Variants in RPS6KA1 observed in about 807,000 individuals in gnomAD.
RPS6KA1 encodes the protein ribosomal protein S6 kinase A1, also known as ribosomal protein S6 kinase alpha-1.
In RPS6KA1, 48 loss-of-function variants were observed where a neutral mutation model predicts 91.3. That is an observed-to-expected ratio of 0.53 (90% CI 0.42 to 0.67). The LOEUF (loss-of-function observed/expected upper bound fraction) is 0.67, where lower values mean the gene tolerates loss of function less well. Ranked by LOEUF, RPS6KA1 falls within the 30% of genes least tolerant of loss-of-function variation. The pLI, the probability that RPS6KA1 is intolerant of heterozygous loss-of-function variation, is 0.00. For missense variants in RPS6KA1, 719 were observed against 960.5 expected, an observed-to-expected ratio of 0.75 and a Z score of 3.32; for synonymous variants, 359 against 384.7, an observed-to-expected ratio of 0.93 and a Z score of 0.78.
At position 26,539,880 on chromosome 1, in the gene RPS6KA1, G is replaced by A. The variant is rs185565055; in HGVS notation, c.108+2911G>A. On this transcript the variant is annotated intron_variant, in intron 2 of 21. Coordinates refer to ENST00000374168, the MANE Select transcript of RPS6KA1 (RefSeq NM_002953.4). ...CTCCGGAGCTGGACCCCTTTGAAGC[G>A]CCTGCAGGTCTATTTTGAGAGCTGA... 1.6e-4 allele frequency among the ~76,000 whole-genome samples: 25 copies of A among 152,276 alleles called. No individual in the cohort carries two copies. The East Asian group carries it at 3.1e-3, about 19-fold the overall frequency.
In RPS6KA1 at chr1:26,540,799, T is replaced by A. The variant is rs1570423908; in HGVS notation, c.108+3830T>A. Among the ~76,000 whole-genome samples, 2 of 151,796 alleles carry A rather than the reference T, an allele frequency of 1.3e-5. No individual in the cohort carries two copies. The highest frequency in any genetic ancestry group is 4.8e-5 in the African/African-American group (2 of 41,324). On this transcript the variant is annotated intron_variant, in intron 2 of 21. Transcript: ENST00000374168. The surrounding 1 kb of genome is among the most constrained non-coding windows in gnomAD (Gnocchi z 4.2). The stretch of plus-strand genomic sequence containing the variant: ...GACCCATCCTCTACAAAAAACAAAA[T>A]TTTTTTTTGAGATGGAGTTTCACTT...
Position 26,546,956 on chromosome 1 carries a change from G to A in RPS6KA1, c.198G>A (p.Lys66=). The A allele has an allele frequency of 1.2e-6, 2 of 1,614,164 alleles. No individual in the cohort carries two copies. Among genetic ancestry groups the A allele is most frequent in the Non-Finnish European group, 1.7e-6 (2 of 1,180,012 alleles). Residue 66 remains lysine (K), a synonymous_variant, in exon 3 of 22, where the codon AAG becomes AAA. Transcript: ENST00000374168. ...ATCCATCCCATTTCGAGCTCCTCAA[G>A]GTTCTGGGCCAGGGATCCTTTGGCA... is the stretch of plus-strand genomic sequence containing the variant. The part of the protein sequence containing the change: ...KADPSHFELL[K]VLGQGSFGKV...
intron 7 of RPS6KA1, 123 bp downstream of exon 7, chr1:26,553,620 G>A: frequency 1.8e-6 from 1 of 557,026 alleles, no homozygotes; most frequent in Non-Finnish European, 3.3e-6. Context: ...GGCAATCTGA[G>A]GGATGGGTGA....
chr1:26,562,465 G>A (rs536355820), intron 17 of RPS6KA1, among the ~76,000 whole-genome samples: 1 of 152,278 alleles, frequency 6.6e-6, no homozygotes, highest in African/African-American at 2.4e-5. Flanking sequence ...AATTTGACTG[G>A]GTTCAGTTGC....
At chr1:26,565,200 G>A (rs1427832700) in intron 17 of RPS6KA1, among the ~76,000 whole-genome samples, 1 of 152,182 alleles carries the variant, frequency 6.6e-6, no homozygotes, top group Admixed American at 6.5e-5. Context: ...GATATTTGGA[G>A]TGGATCCTCT....
rs1318649222 is a variant in RPS6KA1 at position 26,555,527 on chromosome 1, G to A, written c.828-10G>A. 1 of 1,578,302 alleles carries A rather than the reference G, an allele frequency of 6.3e-7. No homozygotes were observed. The highest frequency in any genetic ancestry group is 8.6e-7 in the Non-Finnish European group (1 of 1,160,804). On this transcript the variant is annotated splice_polypyrimidine_tract_variant and intron_variant, in intron 10 of 21. Coordinates refer to ENST00000374168, the MANE Select transcript of RPS6KA1 (RefSeq NM_002953.4). This position sits in a 1 kb window ranked among gnomAD's most constrained non-coding sequence, Gnocchi z 4.3. The stretch of plus-strand genomic sequence containing the variant: ...GGCTCAGCCTTGATGAGTCCCGGGG[G>A]CTGTTTCAGGGCGAAGCTAGGCATG...
At chr1:26,563,363 G>A (rs1046105867) in intron 17 of RPS6KA1, among the ~76,000 whole-genome samples, 46 of 151,524 alleles carry the variant, frequency 3.0e-4, no homozygotes, top group African/African-American at 1.1e-3. Flanking sequence ...AAATAGCGGG[G>A]ACCACAGGCA....
chr1:26,561,145 G>T lies in RPS6KA1; in HGVS notation c.1431+11G>T, dbSNP rs575864205. On this transcript the variant is annotated intron_variant, in intron 16 of 21. Coordinates refer to ENST00000374168, the MANE Select transcript of RPS6KA1 (RefSeq NM_002953.4). This position sits in a 1 kb window ranked among gnomAD's most constrained non-coding sequence, Gnocchi z 5.7. ...ATCACTCTGAAAGATGTGAGTGGGG[G>T]TCCTTAAGACTGGGGTGGGGACCAG... The T allele has an allele frequency of 1.2e-6, 2 of 1,610,448 alleles. No homozygotes were observed. Among genetic ancestry groups the T allele is most frequent in the Admixed American group, 3.3e-5 (2 of 59,968 alleles).
Position 26,561,786 on chromosome 1 carries a change from G to A in RPS6KA1, c.1590+123G>A. On this transcript the variant is annotated intron_variant, in intron 17 of 21. Coordinates refer to ENST00000374168, the MANE Select transcript of RPS6KA1 (RefSeq NM_002953.4). The surrounding 1 kb of genome is among the most constrained non-coding windows in gnomAD (Gnocchi z 5.7). ...GCTAGCCAAACTGAGGGGACACTAG[G>A]GCTGGGTGGGTGGATGCGTGCAAAG... 1.0e-6 allele frequency: 1 copy of A among 969,166 alleles called. No homozygotes were observed. Among genetic ancestry groups the A allele is most frequent in the Non-Finnish European group, 1.5e-6 (1 of 655,146 alleles). The allele number at this position is 969,166 out of a possible 1,614,324, so 60.0% of individuals were successfully genotyped here.
At chr1:26,542,708 T>C (rs1018286464) in intron 2 of RPS6KA1, among the ~76,000 whole-genome samples, 1 of 151,214 alleles carries the variant, frequency 6.6e-6, no homozygotes, top group African/African-American at 2.4e-5. Flanking sequence ...TGGGCTGCCA[T>C]TGTGGGTGGG....
At chr1:26,546,286 G>A (rs2075994071) in intron 2 of RPS6KA1, among the ~76,000 whole-genome samples, 1 of 152,190 alleles carries the variant, frequency 6.6e-6, no homozygotes, top group African/African-American at 2.4e-5. Flanking sequence ...CTTCCAGTAG[G>A]TTTGTATGAG....
chr1:26,560,895 G>A, intron 15 of RPS6KA1, 44 bp downstream of exon 15: 1 of 1,613,472 alleles, frequency 6.2e-7, no homozygotes, highest in Non-Finnish European at 8.5e-7. Context: ...CTGGGTTGGG[G>A]GCAGGTCCCC....
chr1:26,554,141 C>T lies in RPS6KA1; in HGVS notation c.576-73C>T, dbSNP rs2076077556. ...CCTCCTCTGGGCTGAACCCAACTCC[C>T]ACAGCCCTGTGGTAACACCATCACC... On this transcript the variant is annotated intron_variant, in intron 7 of 21. Coordinates refer to ENST00000374168, the MANE Select transcript of RPS6KA1 (RefSeq NM_002953.4). This position sits in a 1 kb window ranked among gnomAD's most constrained non-coding sequence, Gnocchi z 4.6. 1.3e-6 allele frequency: 2 copies of T among 1,494,028 alleles called. No homozygotes were observed. The highest frequency in any genetic ancestry group is 2.0e-5 in the Admixed American group (1 of 49,116). 92.5% of individuals were successfully genotyped at this position (1,494,028 alleles called of 1,614,324 possible).
In RPS6KA1 at chr1:26,555,095, C is replaced by T. The variant is rs13374763; in HGVS notation, c.757-56C>T. The T allele has an allele frequency of 6.4e-5, 98 of 1,539,020 alleles. 2 individuals are homozygous for T. In the South Asian group the frequency reaches 7.9e-4, roughly 12 times the overall value. ...GCAGAGGGGTCTGACTGGGAGGAGG[C>T]GGGAGGTGTGTCGGAGACAGGGATC... On this transcript the variant is annotated intron_variant, in intron 9 of 21. Coordinates refer to ENST00000374168, the MANE Select transcript of RPS6KA1 (RefSeq NM_002953.4). The surrounding 1 kb of genome is among the most constrained non-coding windows in gnomAD (Gnocchi z 4.3).
Position 26,555,046 on chromosome 1 carries a change from A to G in RPS6KA1, c.757-105A>G. On this transcript the variant is annotated intron_variant, in intron 9 of 21. Transcript: ENST00000374168. This position sits in a 1 kb window ranked among gnomAD's most constrained non-coding sequence, Gnocchi z 4.3. ...TCTTGCTCCAGGCTGACTTGGATGT[A>G]TCAGCAAGAATCCTGGGACTGGGGC... is the stretch of plus-strand genomic sequence containing the variant. The G allele has an allele frequency of 1.7e-6, 2 of 1,153,656 alleles. No individual in the cohort carries two copies. Among genetic ancestry groups the G allele is most frequent in the East Asian group, 4.8e-5 (2 of 41,740 alleles). 71.5% of individuals were successfully genotyped at this position (1,153,656 alleles called of 1,614,324 possible).
rs551325042 is a variant in RPS6KA1 at position 26,561,997 on chromosome 1, G to GT, written c.1590+337dup. On this transcript the variant is annotated intron_variant, in intron 17 of 21. Transcript: ENST00000374168. This position sits in a 1 kb window ranked among gnomAD's most constrained non-coding sequence, Gnocchi z 5.7. Reference sequence around the variant, plus strand: ...GCAGGTGGATCACTTGAGGTCAGGAGTTTGACACCAGCCTGGCCAACATGG... The same window carrying GT: ...GCAGGTGGATCACTTGAGGTCAGGAGTTTTGACACCAGCCTGGCCAACATGG... Among the ~76,000 whole-genome samples, 36 of 152,258 alleles carry GT rather than the reference G, an allele frequency of 2.4e-4. No individual in the cohort carries two copies. The highest frequency in any genetic ancestry group is 8.2e-4 in the African/African-American group (34 of 41,552).
In RPS6KA1 at chr1:26,553,559, C is replaced by T. The variant is rs569680564; in HGVS notation, c.575+62C>T. The T allele has an allele frequency of 5.7e-6, 6 of 1,044,204 alleles. No individual in the cohort carries two copies. The East Asian group carries it at 1.5e-4, about 26-fold the overall frequency. 64.7% of individuals were successfully genotyped at this position (1,044,204 alleles called of 1,614,324 possible). On this transcript the variant is annotated intron_variant, in intron 7 of 21. Transcript: ENST00000374168. ...GGGGAGGCCTCTTCTAGGACAGGGCCATCCTGAGGTGGGTGGGCATGGCTT... is the reference window on the plus strand; with the variant it reads ...GGGGAGGCCTCTTCTAGGACAGGGCTATCCTGAGGTGGGTGGGCATGGCTT...
chr1:26,546,432 A>C (rs1271912312), intron 2 of RPS6KA1, among the ~76,000 whole-genome samples: 1 of 152,140 alleles, frequency 6.6e-6, no homozygotes, highest in Non-Finnish European at 1.5e-5. Context: ...TGCTGACCAG[A>C]GGGATCCCCT....
At chr1:26,559,019 AG>A in intron 14 of RPS6KA1, 82 bp downstream of exon 14, 1 of 1,519,296 alleles carries the variant, frequency 6.6e-7, no homozygotes, top group South Asian at 1.2e-5. Context: ...GGACAGAACC[AG>A]GTTCATACCC....
Sources: gnomAD v4.1 joint callset for allele counts (sites outside exome capture counted in the v4.1 genomes callset) on GRCh38, gnomAD v4.1.1 for gene constraint, Gnocchi (gnomAD v3.1) non-coding constraint, MANE v1.5 for transcripts, NCBI Gene and HGNC (gene_info 2026-07-23, HGNC 2026-07-21) for gene names.